The following TMEM71 variants were observed in gnomAD, a reference collection of about 807,000 sequenced individuals.
TMEM71 encodes transmembrane protein 71.
A neutral mutation model predicts 38.0 loss-of-function variants in TMEM71; 44 were observed. The ratio of observed to expected loss-of-function variants is 1.16; its 90% CI spans 0.91 to 1.49. The LOEUF (loss-of-function observed/expected upper bound fraction) is 1.49. Among genes scored for constraint, TMEM71 ranks in the 40% most tolerant of loss-of-function variants. The pLI is 0.00. For missense variants in TMEM71, 367 were observed against 348.6 expected, an observed-to-expected ratio of 1.05 and a Z score of -0.42; for synonymous variants, 133 against 122.5, an observed-to-expected ratio of 1.09 and a Z score of -0.56.
intron 3 of TMEM71, among the ~76,000 whole-genome samples, chr8:132,756,522 C>T (rs1829030368): frequency 6.9e-6 from 1 of 145,518 alleles, no homozygotes; most frequent in South Asian, 2.1e-4. Flanking sequence ...TAGATGATAG[C>T]TAAAATAATA....
intron 6 of TMEM71, among the ~76,000 whole-genome samples, chr8:132,725,017 TTTTTCTTTTC>T (rs753456576): frequency 1.3e-5 from 2 of 151,604 alleles, no homozygotes; most frequent in African/African-American, 4.8e-5. Context: ...GGAGGGCCTT[TTTTTCTTTTC>T]TTTTCTTTTC....
chr8:132,710,397 A>C lies in TMEM71; in HGVS notation c.*570T>G, dbSNP rs1826176006. On this transcript the variant is annotated 3_prime_UTR_variant, in exon 10 of 10. Transcript: ENST00000677595. ...AAATGCTTCTTTCCTGTCCATTTTC[A>C]TATTAACCATCATCTACGGTTACCA... The C allele has an allele frequency of 6.5e-6, 1 of 154,822 alleles. No homozygotes were observed. Among genetic ancestry groups the C allele is most frequent in the South Asian group, 2.1e-4 (1 of 4,878 alleles). 9.6% of individuals were successfully genotyped at this position (154,822 alleles called of 1,614,324 possible). A position where few individuals can be genotyped will look rare whatever the true frequency, so the allele number is the denominator to read the frequency against.
Position 132,757,309 on chromosome 8 carries a change from G to T in TMEM71, c.41-15C>A, listed in dbSNP as rs1217250350. The T allele has an allele frequency of 3.4e-6, 2 of 583,662 alleles. No homozygotes were observed. Among genetic ancestry groups the T allele is most frequent in the Admixed American group, 1.5e-4 (2 of 13,542 alleles). The allele number at this position is 583,662 out of a possible 1,614,324, so 36.2% of individuals were successfully genotyped here. ...CCTGGAAGAACCTGCATAAACAAAT[G>T]AGAGAGAAGTAGAATGTATCATACC... is the stretch of plus-strand genomic sequence containing the variant. On this transcript the variant is annotated splice_polypyrimidine_tract_variant and intron_variant, in intron 2 of 9. Coordinates refer to ENST00000677595, the MANE Select transcript of TMEM71 (RefSeq NM_001382403.1).
upstream of TMEM71, among the ~76,000 whole-genome samples, chr8:132,762,263 G>A (rs1015343819): frequency 1.7e-4 from 26 of 152,284 alleles, no homozygotes; most frequent in African/African-American, 6.0e-4. Context: ...CAGCTATTCT[G>A]CTTCACAGCT....
At chr8:132,763,333 G>C (rs1829325979), upstream of TMEM71, among the ~76,000 whole-genome samples, 1 of 152,188 alleles carries the variant, frequency 6.6e-6, no homozygotes, top group Admixed American at 6.5e-5. Flanking sequence ...AATAGCCCAA[G>C]TATCAAGAGT....
At chr8:132,747,252 A>G in intron 4 of TMEM71, 138 bp from the exon 5 acceptor site, 1 of 770,050 alleles carries the variant, frequency 1.3e-6, no homozygotes. Flanking sequence ...TCAAAATTCT[A>G]CTGTGTGCCA....
chr8:132,732,016 G>A (rs1827486500), intron 5 of TMEM71, among the ~76,000 whole-genome samples: 1 of 152,154 alleles, frequency 6.6e-6, no homozygotes, highest in African/African-American at 2.4e-5. Flanking sequence ...CATGGATACG[G>A]GCCAGGCAGA....
chr8:132,721,226 G>A lies in TMEM71; in HGVS notation c.752+814C>T, dbSNP rs981853721. Among the ~76,000 whole-genome samples the A allele has an allele frequency of 2.6e-5, 4 of 152,202 alleles. No homozygotes were observed. The South Asian group carries it at 8.3e-4, about 32-fold the overall frequency. On this transcript the variant is annotated intron_variant, in intron 7 of 9. Transcript: ENST00000677595. ...CAAGGAACCTGATCACTGCCCTGGAGACTTGAATAGGGAAAGGAAAACAAG... is the reference window on the plus strand; with the variant it reads ...CAAGGAACCTGATCACTGCCCTGGAAACTTGAATAGGGAAAGGAAAACAAG...
At chr8:132,715,095 C>T (rs1826432309) in intron 7 of TMEM71, among the ~76,000 whole-genome samples, 1 of 152,138 alleles carries the variant, frequency 6.6e-6, no homozygotes. Flanking sequence ...CAGAAACTCT[C>T]ATTCATTGCA....
chr8:132,725,394 T>G (rs1327670337), intron 6 of TMEM71, among the ~76,000 whole-genome samples: 1 of 152,094 alleles, frequency 6.6e-6, no homozygotes, highest in Non-Finnish European at 1.5e-5. Context: ...GGTACAACCT[T>G]TTAAAGAGTA....
chr8:132,769,739 T>A, the TMEM71 span, among the ~76,000 whole-genome samples: 1 of 152,224 alleles, frequency 6.6e-6, no homozygotes, highest in African/African-American at 2.4e-5. Flanking sequence ...GGCACCTTGA[T>A]CTTGGACTTC....
intron 3 of TMEM71, among the ~76,000 whole-genome samples, chr8:132,753,334 A>ACAG (rs1828829404): frequency 1.3e-5 from 2 of 150,976 alleles, no homozygotes; most frequent in South Asian, 4.1e-4. Flanking sequence ...GAATCAATTA[A>ACAG]CAGCACTGAT....
chr8:132,738,704 C>T (rs769296267), intron 5 of TMEM71, among the ~76,000 whole-genome samples: 9 of 152,166 alleles, frequency 5.9e-5, no homozygotes, highest in Non-Finnish European at 5.9e-5. Flanking sequence ...CCCCCACATC[C>T]CTGCTCTTTC....
intron 5 of TMEM71, among the ~76,000 whole-genome samples, chr8:132,744,582 A>C (rs1763668571): frequency 6.6e-6 from 1 of 152,254 alleles, no homozygotes; most frequent in Admixed American, 6.5e-5. Context: ...TGGAAGAATC[A>C]ATATCACAAA....
At chr8:132,724,034 G>A (rs558640853) in intron 6 of TMEM71, among the ~76,000 whole-genome samples, 2 of 152,140 alleles carry the variant, frequency 1.3e-5, no homozygotes, top group South Asian at 4.2e-4. Flanking sequence ...AAGGGGAGGG[G>A]GTGCAAGAAC....
chr8:132,723,673 A>C (rs1015118574), intron 6 of TMEM71, among the ~76,000 whole-genome samples: 2 of 152,188 alleles, frequency 1.3e-5, no homozygotes, highest in East Asian at 3.9e-4. Flanking sequence ...AGAAAATAGC[A>C]TTGATTTCCT....
chr8:132,744,441 C>CA (rs1443352291), intron 5 of TMEM71, among the ~76,000 whole-genome samples: 2 of 152,100 alleles, frequency 1.3e-5, no homozygotes, highest in East Asian at 3.9e-4. Flanking sequence ...ACAATAGCCA[C>CA]AAAAAATAAT....
rs538483472 is a variant in TMEM71, at chr8:132,745,900, G to A, written c.487+1042C>T. 5.3e-5 allele frequency among the ~76,000 whole-genome samples: 8 copies of A among 151,398 alleles called. No individual in the cohort carries two copies. In the East Asian group the frequency reaches 1.6e-3, roughly 29 times the overall value. Reference sequence around the variant, plus strand: ...CTGCAGCTAGAAGCCATTATCCTAAGCAAATTAACACAGGAAGAGAAAACC... The same window carrying A: ...CTGCAGCTAGAAGCCATTATCCTAAACAAATTAACACAGGAAGAGAAAACC... On this transcript the variant is annotated intron_variant, in intron 5 of 9. Coordinates refer to ENST00000677595, the MANE Select transcript of TMEM71 (RefSeq NM_001382403.1).
chr8:132,738,134 C>T (rs1376543007), intron 5 of TMEM71, among the ~76,000 whole-genome samples: 1 of 136,534 alleles, frequency 7.3e-6, no homozygotes, highest in Non-Finnish European at 1.6e-5. Context: ...GCATTTCATC[C>T]TCCCCATTCT....
Sources: gnomAD v4.1 joint callset for allele counts (sites outside exome capture counted in the v4.1 genomes callset) on GRCh38, gnomAD v4.1.1 for gene constraint, MANE v1.5 for transcripts, NCBI Gene and HGNC (gene_info 2026-07-23, HGNC 2026-07-21) for gene names.